Variants in SLC35F1 observed in about 807,000 individuals in gnomAD.
SLC35F1 encodes the protein chromosome 6 open reading frame 169.
Under a neutral mutation model 48.7 loss-of-function variants are expected in SLC35F1, and 14 were observed. The ratio of observed to expected loss-of-function variants is 0.29; its 90% CI spans 0.19 to 0.45. The LOEUF is 0.45. Ranked by LOEUF, SLC35F1 falls within the 20% of genes least tolerant of loss-of-function variation. The pLI is 1.00. For synonymous variants in SLC35F1, 190 were observed against 202.2 expected (o/e 0.94, Z 0.51); for missense variants, 404 against 500.0 (o/e 0.81, Z 1.83).
intron 1 of SLC35F1, among the ~76,000 whole-genome samples, chr6:117,965,313 G>A (rs1353931853): frequency 6.6e-6 from 1 of 152,170 alleles, no homozygotes; most frequent in Non-Finnish European, 1.5e-5. Context: ...GGACATGCAA[G>A]TCATAGTTCA....
chr6:118,274,649 C>T lies in SLC35F1; in HGVS notation c.638-810C>T, dbSNP rs186594183. Among the ~76,000 whole-genome samples the T allele has an allele frequency of 2.0e-3, 309 of 152,316 alleles. 6 individuals carry two copies. The highest frequency in any genetic ancestry group is 0.012 in the East Asian group (60 of 5,172). ...CTGATGTCAGGTGATCCACCCGCCT[C>T]GGCCTCCCAAAATGCTAGGATTACA... On this transcript the variant is annotated intron_variant, in intron 4 of 7. Coordinates refer to ENST00000360388, the MANE Select transcript of SLC35F1 (RefSeq NM_001029858.4).
chr6:118,284,090 A>T (rs1231426985), intron 6 of SLC35F1, among the ~76,000 whole-genome samples: 13 of 152,188 alleles, frequency 8.5e-5, no homozygotes, highest in Admixed American at 8.5e-4. Flanking sequence ...AGCACTTTTC[A>T]TATGGGTAAA....
At chr6:117,964,293 G>A (rs1331147725) in intron 1 of SLC35F1, among the ~76,000 whole-genome samples, 1 of 152,134 alleles carries the variant, frequency 6.6e-6, no homozygotes, top group Non-Finnish European at 1.5e-5. Flanking sequence ...AACATATTGG[G>A]AATATCCCTA....
chr6:118,067,841 GTGTC>G (rs1251763034), intron 1 of SLC35F1, among the ~76,000 whole-genome samples: 5 of 152,104 alleles, frequency 3.3e-5, no homozygotes, highest in African/African-American at 9.7e-5. Flanking sequence ...CCACTCCTGA[GTGTC>G]TGATTCAGTA....
intron 2 of SLC35F1, among the ~76,000 whole-genome samples, chr6:118,210,125 G>A (rs1931686): frequency 6.6e-6 from 1 of 152,162 alleles, no homozygotes; most frequent in Non-Finnish European, 1.5e-5. Flanking sequence ...CCCCTTCAGA[G>A]CTCTTCCACC....
intron 1 of SLC35F1, among the ~76,000 whole-genome samples, chr6:117,958,440 A>G (rs555755157): frequency 6.6e-6 from 1 of 152,276 alleles, no homozygotes; most frequent in African/African-American, 2.4e-5. Flanking sequence ...CCACTCACTC[A>G]CTGACTCACC....
At chr6:118,048,973 G>T (rs558344529) in intron 1 of SLC35F1, among the ~76,000 whole-genome samples, 1 of 152,202 alleles carries the variant, frequency 6.6e-6, no homozygotes, top group Non-Finnish European at 1.5e-5. Flanking sequence ...TTACTACAAG[G>T]CTACAGTAAC....
intron 1 of SLC35F1, among the ~76,000 whole-genome samples, chr6:118,011,069 G>T (rs1777239282): frequency 6.6e-6 from 1 of 152,118 alleles, no homozygotes; most frequent in South Asian, 2.1e-4. Context: ...TAGTACAGTG[G>T]TCCCCAACCT....
At chr6:117,917,402 G>A (rs190646598) in intron 1 of SLC35F1, among the ~76,000 whole-genome samples, 39 of 151,774 alleles carry the variant, frequency 2.6e-4, no homozygotes, top group African/African-American at 6.8e-4. Context: ...AATGGATTGC[G>A]GGAGAAGTAC....
At chr6:118,014,540 C>A (rs766498557) in intron 1 of SLC35F1, among the ~76,000 whole-genome samples, 2 of 152,072 alleles carry the variant, frequency 1.3e-5, no homozygotes, top group South Asian at 2.1e-4. Flanking sequence ...TTTGTCACTT[C>A]TCTACAACTC....
At chr6:117,924,468 A>T (rs554511943) in intron 1 of SLC35F1, among the ~76,000 whole-genome samples, 50 of 17,768 alleles carry the variant, frequency 2.8e-3, no homozygotes, top group African/African-American at 4.7e-3. Flanking sequence ...GTGTGTACAT[A>T]TATACATATG....
chr6:118,238,357 G>A (rs1775393122), intron 3 of SLC35F1, among the ~76,000 whole-genome samples: 1 of 151,816 alleles, frequency 6.6e-6, no homozygotes, highest in Admixed American at 6.6e-5. Context: ...GGGGAGGCTG[G>A]GGCCAGAGGA....
At chr6:118,243,144 G>A (rs1775462595) in intron 3 of SLC35F1, among the ~76,000 whole-genome samples, 1 of 152,142 alleles carries the variant, frequency 6.6e-6, no homozygotes, top group Admixed American at 6.5e-5. Flanking sequence ...GCAACAGTTA[G>A]TCTCATCACT....
At chr6:118,239,090 G>A (rs529203931) in intron 3 of SLC35F1, among the ~76,000 whole-genome samples, 1 of 151,620 alleles carries the variant, frequency 6.6e-6, no homozygotes, top group Admixed American at 6.6e-5. Context: ...CTCCCGAGGT[G>A]CTTTGCTTTT....
chr6:118,087,456 G>T (rs571222019), intron 1 of SLC35F1, among the ~76,000 whole-genome samples: 1 of 152,232 alleles, frequency 6.6e-6, no homozygotes, highest in African/African-American at 2.4e-5. Context: ...TTAGCAGCTG[G>T]TAGCAAAAGT....
At position 117,923,786 on chromosome 6, in the gene SLC35F1, T is replaced by TATACACATAC. The variant is rs1554216784; in HGVS notation, c.173+15890_173+15891insCACATACATA. Among the ~76,000 whole-genome samples, 57 of 36,160 alleles carry TATACACATAC rather than the reference T, an allele frequency of 1.6e-3. 1 individual carries two copies. Among genetic ancestry groups the TATACACATAC allele is most frequent in the African/African-American group, 4.9e-3 (53 of 10,708 alleles). 23.7% of individuals were successfully genotyped at this position (36,160 alleles called of 152,430 possible). On this transcript the variant is annotated intron_variant, in intron 1 of 7. Transcript: ENST00000360388. Reference sequence around the variant, plus strand: ...ATGCACATACATATGTATATATACATATATGTACATATATACATATACACA... The same window carrying TATACACATAC: ...ATGCACATACATATGTATATATACATATACACATACATATGTACATATATACATATACACA...
At chr6:118,202,771 T>A (rs1218297102) in intron 2 of SLC35F1, among the ~76,000 whole-genome samples, 1 of 152,168 alleles carries the variant, frequency 6.6e-6, no homozygotes, top group East Asian at 1.9e-4. Context: ...AGCCATTACA[T>A]AGACCTGAGT....
chr6:118,273,525 T>C (rs902719812), intron 4 of SLC35F1, among the ~76,000 whole-genome samples: 2 of 152,238 alleles, frequency 1.3e-5, no homozygotes, highest in Admixed American at 6.5e-5. Context: ...TCATGTTCAT[T>C]ATAATTTTAC....
chr6:117,923,763 G>GTATATATGTACATATGTACATATATA (rs1775969946), intron 1 of SLC35F1, among the ~76,000 whole-genome samples: 1 of 18,080 alleles, frequency 5.5e-5, no homozygotes, highest in African/African-American at 2.7e-4. Flanking sequence ...ATATACATAT[G>GTATATATGTACATATGTACATATATA]CACATACATA....
Sources: gnomAD v4.1 joint callset for allele counts (sites outside exome capture counted in the v4.1 genomes callset) on GRCh38, gnomAD v4.1.1 for gene constraint, MANE v1.5 for transcripts, NCBI Gene and HGNC (gene_info 2026-07-23, HGNC 2026-07-21) for gene names.